The following ZCCHC2 variants were observed in gnomAD, a reference collection of about 807,000 sequenced individuals.
The protein encoded by ZCCHC2 is zinc finger CCHC-type containing 2, also known as zinc finger CCHC domain-containing protein 2.
A neutral mutation model predicts 103.6 loss-of-function variants in ZCCHC2; 39 were observed. The observed-to-expected ratio is 0.38, with a 90% CI of 0.29 to 0.49. ZCCHC2 has a LOEUF of 0.49. Among genes scored for constraint, ZCCHC2 ranks in the 20% least tolerant of loss-of-function variants. ZCCHC2 has a pLI of 0.96. For synonymous variants in ZCCHC2, 687 were observed against 608.9 expected (o/e 1.13, Z -1.89); for missense variants, 1,483 against 1,491.0 (o/e 0.99, Z 0.09).
At chr18:62,566,496 G>A (rs1916369288) in intron 11 of ZCCHC2, among the ~76,000 whole-genome samples, 2 of 152,126 alleles carry the variant, frequency 1.3e-5, no homozygotes, top group Admixed American at 1.3e-4. Context: ...CCCTGTCTCT[G>A]TTCCTTCTCT....
At chr18:62,547,542 T>A (rs561068806) in intron 4 of ZCCHC2, among the ~76,000 whole-genome samples, 100 of 151,310 alleles carry the variant, frequency 6.6e-4, no homozygotes, top group African/African-American at 2.2e-3. Context: ...TTTTTGTGGG[T>A]TTGTTTGTTT....
intron 11 of ZCCHC2, among the ~76,000 whole-genome samples, chr18:62,566,784 A>G (rs562233448): frequency 6.6e-6 from 1 of 152,208 alleles, no homozygotes; most frequent in Admixed American, 6.5e-5. Flanking sequence ...TCATTTGTAA[A>G]ACAGGAGTAA....
chr18:62,573,986 A>C, intron 12 of ZCCHC2, 71 bp from the exon 13 acceptor site: 1 of 1,449,120 alleles, frequency 6.9e-7, no homozygotes, highest in Non-Finnish European at 9.3e-7. Flanking sequence ...AGGTATACTC[A>C]ATGTTTATTT....
intron 1 of ZCCHC2, among the ~76,000 whole-genome samples, chr18:62,536,306 A>G (rs914984773): frequency 2.4e-4 from 36 of 152,228 alleles, no homozygotes; most frequent in African/African-American, 8.7e-4. Flanking sequence ...CACTCCTACT[A>G]AAGTTCTTTG....
At chr18:62,563,544 C>T (rs1916217106) in intron 9 of ZCCHC2, among the ~76,000 whole-genome samples, 1 of 152,132 alleles carries the variant, frequency 6.6e-6, no homozygotes, top group Non-Finnish European at 1.5e-5. Context: ...GTAGTCTCAG[C>T]TACTCGGGAG....
Position 62,527,019 on chromosome 18 carries a change from C to A in ZCCHC2, c.939+2656C>A, listed in dbSNP as rs1290422368. The A allele has an allele frequency of 5.1e-5, 3 of 59,256 alleles. 1 individual carries two copies. Among genetic ancestry groups the A allele is most frequent in the African/African-American group, 1.5e-4 (2 of 13,256 alleles). The allele number at this position is 59,256 out of a possible 1,614,324, so 3.7% of individuals were successfully genotyped here. On this transcript the variant is annotated intron_variant, in intron 1 of 13. Coordinates refer to ENST00000269499, the MANE Select transcript of ZCCHC2 (RefSeq NM_017742.6). Reference sequence around the variant, plus strand: ...TCGTGTGGCAGCATTTCCCCCGCCCCCCCCCCCCCCGAAAGTAACCTTTTA... The same window carrying A: ...TCGTGTGGCAGCATTTCCCCCGCCCACCCCCCCCCCGAAAGTAACCTTTTA...
Position 62,524,310 on chromosome 18 carries a change from G to A in ZCCHC2, c.886G>A (p.Glu296Lys), listed in dbSNP as rs543057163. 3.9e-6 allele frequency: 6 copies of A among 1,548,352 alleles called. No homozygotes were observed. The African/African-American group carries it at 4.1e-5, about 11-fold the overall frequency. The change falls in exon 1 of 14, where the codon GAG becomes AAG. Residue 296 changes from glutamate (E) to lysine (K), a missense_variant. Physicochemically the swap from Glu to Lys is moderately conservative, Grantham distance 56. Coordinates refer to ENST00000269499, the MANE Select transcript of ZCCHC2 (RefSeq NM_017742.6). Reference protein sequence around the residue: ...RLRAALRGGPEDAEVEVEPCK... With the variant: ...RLRAALRGGPKDAEVEVEPCK... ...CCGCGCCGCGCTCCGCGGGGGCCCC[G>A]AGGACGCGGAGGTGGAGGTAGAGCC...
downstream of ZCCHC2, among the ~76,000 whole-genome samples, chr18:62,583,484 T>TCTTAACAGCACCTAGTA (rs1278863873): frequency 1.3e-5 from 2 of 152,216 alleles, no homozygotes; most frequent in Non-Finnish European, 2.9e-5. Context: ...ATACCTGTTT[T>TCTTAACAGCACCTAGTA]CTTAACAGCA....
intron 13 of ZCCHC2, among the ~76,000 whole-genome samples, chr18:62,575,769 A>G (rs1052070343): frequency 6.6e-6 from 1 of 152,228 alleles, no homozygotes; most frequent in African/African-American, 2.4e-5. Flanking sequence ...GTTTCCAATT[A>G]AGGAATAAAC....
At chr18:62,569,027 C>CT (rs1916484868) in intron 11 of ZCCHC2, among the ~76,000 whole-genome samples, 2 of 152,354 alleles carry the variant, frequency 1.3e-5, no homozygotes, top group East Asian at 3.9e-4. Context: ...TCCTCTGCCA[C>CT]TTTTCCTTCT....
Position 62,524,046 on chromosome 18 carries a change from G to A in ZCCHC2, c.622G>A (p.Ala208Thr). The change falls in exon 1 of 14, where the codon GCC (alanine) becomes ACC (threonine). Residue 208 changes from alanine to threonine, a missense_variant. This residue lies in a region of ZCCHC2 where 568 missense variants were observed against 525.1 expected (regional missense o/e 1.08). Coordinates refer to ENST00000269499, the MANE Select transcript of ZCCHC2 (RefSeq NM_017742.6). ...VDSVLKSLRA[A>T]RGEGSRGGAE... ...CTCGGTGCTCAAAAGCCTGCGCGCG[G>A]CCCGGGGCGAGGGCTCGCGGGGCGG... The A allele has an allele frequency of 6.8e-7, 1 of 1,467,308 alleles. No homozygotes were observed. The highest frequency in any genetic ancestry group is 8.9e-7 in the Non-Finnish European group (1 of 1,121,436). The allele number at this position is 1,467,308 out of a possible 1,614,324, so 90.9% of individuals were successfully genotyped here.
At position 62,546,041 on chromosome 18, in the gene ZCCHC2, A is replaced by G. The variant is rs532426920; in HGVS notation, c.1200+1168A>G. Among the ~76,000 whole-genome samples, 7 of 152,352 alleles carry G rather than the reference A, an allele frequency of 4.6e-5. No individual in the cohort carries two copies. In the South Asian group the frequency reaches 1.4e-3, roughly 32 times the overall value. On this transcript the variant is annotated intron_variant, in intron 4 of 13. Coordinates refer to ENST00000269499, the MANE Select transcript of ZCCHC2 (RefSeq NM_017742.6). ...ATCTTCCTGTGGTTTATTATAAATT[A>G]GGCTCTGTCAGTTAAGGGCTGAGGA...
At chr18:62,572,349 G>T (rs988612326) in intron 12 of ZCCHC2, among the ~76,000 whole-genome samples, 2 of 152,228 alleles carry the variant, frequency 1.3e-5, no homozygotes, top group Non-Finnish European at 2.9e-5. Flanking sequence ...CCTGTCCGAA[G>T]TGTTAGTGTA....
intron 12 of ZCCHC2, among the ~76,000 whole-genome samples, chr18:62,570,760 C>T (rs1047857285): frequency 1.4e-4 from 22 of 152,180 alleles, no homozygotes; most frequent in African/African-American, 5.3e-4. Context: ...TTGTAGACAA[C>T]ATATAGTTAG....
chr18:62,526,733 TCACGC>T (rs1161974064), intron 1 of ZCCHC2, among the ~76,000 whole-genome samples: 1 of 151,616 alleles, frequency 6.6e-6, no homozygotes, highest in Non-Finnish European at 1.5e-5. Context: ...GGCTCGGAGG[TCACGC>T]AACGCCCGGA....
rs754663445 is a variant in ZCCHC2 at position 62,574,386 on chromosome 18, C to T, written c.2305C>T (p.Pro769Ser). 1 of 1,613,856 alleles carries T rather than the reference C, an allele frequency of 6.2e-7. No homozygotes were observed. The highest frequency in any genetic ancestry group is 8.5e-7 in the Non-Finnish European group (1 of 1,179,890). The stretch of plus-strand genomic sequence containing the variant: ...AATAAGGGAGTCTGCAAATTCAACC[C>T]CTGTTGGAATACTAGGGCCAACAGC... ...SAIRESANST[P>S]VGILGPTACT... Residue 769 changes from proline to serine, a missense_variant, in exon 13 of 14, where the codon CCT becomes TCT. By Grantham distance (74) the Pro-to-Ser change is moderately conservative (BLOSUM62 -1). Coordinates refer to ENST00000269499, the MANE Select transcript of ZCCHC2 (RefSeq NM_017742.6).
At chr18:62,564,871 C>A in intron 10 of ZCCHC2, 131 bp from the exon 11 acceptor site, 1 of 736,712 alleles carries the variant, frequency 1.4e-6, no homozygotes, top group Non-Finnish European at 2.2e-6. Context: ...AAGGGCGAAT[C>A]TTAATTGTAT....
In ZCCHC2 at chr18:62,524,093, G is replaced by GGACGGC. The variant is rs1278481115; in HGVS notation, c.678_683dup (p.Asp226_Gly227dup). ...GCGGCGCGGAGGACGAGCGCGGCGA[G>GGACGGC]GACGGCGACGGCGAGCAGGACGCCG... On this transcript the variant is annotated inframe_insertion, in exon 1 of 14. Transcript: ENST00000269499. 7.2e-6 allele frequency: 11 copies of GGACGGC among 1,517,594 alleles called. No individual in the cohort carries two copies. The African/African-American group carries it at 1.2e-4, about 16-fold the overall frequency. 94.0% of individuals were successfully genotyped at this position (1,517,594 alleles called of 1,614,324 possible). A position where few individuals can be genotyped will look rare whatever the true frequency, so the allele number is the denominator to read the frequency against.
chr18:62,564,684 T>C, intron 10 of ZCCHC2, 49 bp downstream of exon 10: 1 of 1,334,050 alleles, frequency 7.5e-7, no homozygotes, highest in Non-Finnish European at 1.0e-6. Flanking sequence ...ATAATAGGCC[T>C]GTTTAGTTTA....
Sources: allele counts gnomAD v4.1 joint callset (sites outside exome capture counted in the v4.1 genomes callset), GRCh38; gene constraint gnomAD v4.1.1; regional missense constraint gnomAD v4.1.1; transcripts MANE v1.5; gene names NCBI Gene and HGNC (gene_info 2026-07-23, HGNC 2026-07-21).